Variants in NCOA4 observed in about 807,000 individuals in gnomAD.
The protein encoded by NCOA4 is nuclear receptor coactivator 4.
A neutral mutation model predicts 69.5 loss-of-function variants in NCOA4; 31 were observed. That is an observed-to-expected ratio of 0.45 (90% CI 0.34 to 0.60). NCOA4 has a LOEUF of 0.60. NCOA4 is among the 20% of genes least tolerant of loss of function. The pLI, the probability that NCOA4 is intolerant of heterozygous loss-of-function variation, is 0.02. For missense variants in NCOA4, 600 were observed against 719.2 expected, an observed-to-expected ratio of 0.83 and a Z score of 1.90; for synonymous variants, 228 against 252.4, an observed-to-expected ratio of 0.90 and a Z score of 0.92.
At chr10:46,006,673 G>A (rs12571253) in intron 9 of NCOA4, 76 bp from the exon 10 acceptor site, 51 of 1,412,072 alleles carry the variant, frequency 3.6e-5, no homozygotes, top group South Asian at 9.2e-5. Context: ...TTAAAGCTCC[G>A]ACTCATTTCC....
At chr10:46,022,711 C>CGCCTCG (rs1405465531) in intron 1 of NCOA4, among the ~76,000 whole-genome samples, 6 of 152,080 alleles carry the variant, frequency 3.9e-5, no homozygotes, top group Non-Finnish European at 8.8e-5. Flanking sequence ...GTGATCCGCC[C>CGCCTCG]GCCTCGGCCT....
intron 1 of NCOA4, chr10:46,022,328 A>C: frequency 2.4e-6 from 1 of 418,828 alleles, no homozygotes; most frequent in Non-Finnish European, 4.8e-6. Context: ...GTTATCTTTG[A>C]TGAGACAACC....
chr10:46,023,380 C>T (rs890418604), intron 1 of NCOA4: 8 of 985,718 alleles, frequency 8.1e-6, no homozygotes, highest in Non-Finnish European at 9.6e-6. Flanking sequence ...CGACAGGCTG[C>T]TTTACCCCTG....
intron 1 of NCOA4, among the ~76,000 whole-genome samples, chr10:46,016,899 T>C (rs1465245698): frequency 1.3e-5 from 2 of 152,230 alleles, no homozygotes; most frequent in Non-Finnish European, 2.9e-5. Context: ...TAAAACTCTA[T>C]AATCTACTTT....
chr10:46,011,314 C>T, intron 7 of NCOA4, 108 bp from the exon 8 acceptor site: 1 of 1,154,230 alleles, frequency 8.7e-7, no homozygotes, highest in Non-Finnish European at 1.2e-6. Context: ...GTCGCCCAGG[C>T]TGGAGTGCGG....
chr10:46,015,572 C>A lies in NCOA4; in HGVS notation c.142-306G>T, dbSNP rs117769779. 3.8e-3 allele frequency among the ~76,000 whole-genome samples: 577 copies of A among 152,192 alleles called. 3 individuals carry two copies. Among genetic ancestry groups the A allele is most frequent in the East Asian group, 0.019 (98 of 5,188 alleles). On this transcript the variant is annotated intron_variant, in intron 2 of 9. Coordinates refer to ENST00000581486, the MANE Select transcript of NCOA4 (RefSeq NM_001145263.2). ...AAACTCTAAAATCCTTCTTCAATACCCAGCCTTCTAAGAGGATTAGGTTTA... is the reference window on the plus strand; with the variant it reads ...AAACTCTAAAATCCTTCTTCAATACACAGCCTTCTAAGAGGATTAGGTTTA...
rs186102843 is a variant in NCOA4, at chr10:46,021,935, G to C, written c.-14-5241C>G. Among the ~76,000 whole-genome samples the C allele has an allele frequency of 4.2e-3, 641 of 152,224 alleles. 5 individuals are homozygous for C. The highest frequency in any genetic ancestry group is 0.015 in the African/African-American group (617 of 41,514). ...GGTCGCAGCCATTGCACTCCAGCCT[G>C]GGCAACAGGAGCGAAATTCCATCTC... is the stretch of plus-strand genomic sequence containing the variant. On this transcript the variant is annotated intron_variant, in intron 1 of 9. Transcript: ENST00000581486.
At chr10:46,015,892 G>C (rs1298775033) in intron 2 of NCOA4, among the ~76,000 whole-genome samples, 1 of 152,198 alleles carries the variant, frequency 6.6e-6, no homozygotes, top group Admixed American at 6.5e-5. Context: ...AGCATAAACA[G>C]TGATTCAAAC....
chr10:46,011,129 A>G lies in NCOA4; in HGVS notation c.792T>C (p.Ser264=). The change falls in exon 8 of 10, where the codon AGT becomes AGC. Residue 264 remains serine (S), a synonymous_variant. Transcript: ENST00000581486. The part of the protein sequence containing the change: ...LKGLENWLLK[S]EKSSYQKCNS... Reference sequence around the variant, plus strand: ...TACACTTTTGATAACTTGATTTTTCACTCTTGAGGAGCCAGTTTTCTAAGC... The same window carrying G: ...TACACTTTTGATAACTTGATTTTTCGCTCTTGAGGAGCCAGTTTTCTAAGC... The G allele has an allele frequency of 6.2e-7, 1 of 1,613,176 alleles. No individual in the cohort carries two copies. The highest frequency in any genetic ancestry group is 8.5e-7 in the Non-Finnish European group (1 of 1,179,646).
intron 1 of NCOA4, chr10:46,023,474 G>A (rs1198533161): frequency 2.0e-6 from 2 of 985,506 alleles, no homozygotes; most frequent in South Asian, 4.7e-5. Context: ...GGCCACTAGC[G>A]AGCTGGAGCG....
At position 46,005,569 on chromosome 10, in the gene NCOA4, CAGT is replaced by C. The variant is rs1838763397; in HGVS notation, c.*1020_*1022del. On this transcript the variant is annotated 3_prime_UTR_variant, in exon 10 of 10. Coordinates refer to ENST00000581486, the MANE Select transcript of NCOA4 (RefSeq NM_001145263.2). Reference sequence around the variant, plus strand: ...AACTTTAAGGAGACTGAGAAAACATCAGTAGTTTTCACAAAGCTTCAATGAACA... The same window carrying C: ...AACTTTAAGGAGACTGAGAAAACATCAGTTTTCACAAAGCTTCAATGAACA... 4.5e-6 allele frequency: 1 copy of C among 220,854 alleles called. No individual in the cohort carries two copies. The highest frequency in any genetic ancestry group is 9.1e-6 in the Non-Finnish European group (1 of 109,904). 13.7% of individuals were successfully genotyped at this position (220,854 alleles called of 1,614,324 possible). A position where few individuals can be genotyped will look rare whatever the true frequency, so the allele number is the denominator to read the frequency against.
At chr10:46,018,440 C>T (rs1839693233) in intron 1 of NCOA4, among the ~76,000 whole-genome samples, 1 of 152,242 alleles carries the variant, frequency 6.6e-6, no homozygotes, top group Non-Finnish European at 1.5e-5. Context: ...TATTTGACTA[C>T]ATTTACCAAA....
Position 46,010,433 on chromosome 10 carries a change from C to A in NCOA4, c.1488G>T (p.Glu496Asp). 1 of 1,614,206 alleles carries A rather than the reference C, an allele frequency of 6.2e-7. No homozygotes were observed. Among genetic ancestry groups the A allele is most frequent in the African/African-American group, 1.3e-5 (1 of 75,042 alleles). ...CTTTGTATGGGGGCCTGATAAGCCA[C>A]TCCGACAAGGGGCTGTTCTTTATGA... ...FQVIKNSPLS[E>D]WLIRPPYKEG... Residue 496 changes from glutamate (E) to aspartate (D), a missense_variant, in exon 8 of 10, where the codon GAG (glutamate) becomes GAT (aspartate). By Grantham distance (45) the Glu-to-Asp change is conservative. Transcript: ENST00000581486.
intron 7 of NCOA4, among the ~76,000 whole-genome samples, chr10:46,012,563 C>G (rs1309444973): frequency 2.0e-5 from 3 of 151,842 alleles, no homozygotes; most frequent in Admixed American, 1.3e-4. Flanking sequence ...CGAAACAGGA[C>G]TTACAGAATG....
chr10:46,013,016 G>T lies in NCOA4; in HGVS notation c.581C>A (p.Ser194Tyr), dbSNP rs1554922120. Residue 194 changes from serine (S) to tyrosine (Y), a missense_variant, in exon 7 of 10, where the codon TCC (serine) becomes TAC (tyrosine). Coordinates refer to ENST00000581486, the MANE Select transcript of NCOA4 (RefSeq NM_001145263.2). ...GCTGAAAGGGACAGCTACAATACCG[G>T]ATGCTGACTTCTGTTAATCACAAAA... is the stretch of plus-strand genomic sequence containing the variant. Reference protein sequence around the residue: ...CISMPEQKSASGIVAVPFSEW... With the variant: ...CISMPEQKSAYGIVAVPFSEW... The T allele has an allele frequency of 6.2e-7, 1 of 1,613,974 alleles. No individual in the cohort carries two copies. The highest frequency in any genetic ancestry group is 8.5e-7 in the Non-Finnish European group (1 of 1,179,950).
At chr10:46,019,093 A>G (rs1485932111) in intron 1 of NCOA4, among the ~76,000 whole-genome samples, 2 of 152,196 alleles carry the variant, frequency 1.3e-5, no homozygotes, top group African/African-American at 2.4e-5. Flanking sequence ...AAATTTTTTA[A>G]CTTCCCCTTG....
chr10:46,019,272 C>T, intron 1 of NCOA4: 1 of 957,154 alleles, frequency 1.0e-6, no homozygotes, highest in Non-Finnish European at 1.2e-6. Flanking sequence ...CTGTGTTAGG[C>T]AGAAGCATTA....
intron 1 of NCOA4, among the ~76,000 whole-genome samples, chr10:46,025,255 T>C (rs187379391): frequency 5.3e-5 from 8 of 152,178 alleles, no homozygotes; most frequent in Non-Finnish European, 1.0e-4. Flanking sequence ...AGAGGAAGAA[T>C]GTATCCCAGC....
chr10:46,016,191 G>A (rs1228375820), intron 2 of NCOA4, among the ~76,000 whole-genome samples: 2 of 152,192 alleles, frequency 1.3e-5, no homozygotes. Flanking sequence ...ATGCAATCAA[G>A]AGGATGCAGC....
Sources: gnomAD v4.1 joint callset for allele counts (sites outside exome capture counted in the v4.1 genomes callset) on GRCh38, gnomAD v4.1.1 for gene constraint, MANE v1.5 for transcripts, NCBI Gene and HGNC (gene_info 2026-07-23, HGNC 2026-07-21) for gene names.